Variants in SMTN observed in about 807,000 individuals in gnomAD.
The protein encoded by SMTN is smoothelin.
Under a neutral mutation model 102.0 loss-of-function variants are expected in SMTN, and 58 were observed. That is an observed-to-expected ratio of 0.57 (90% CI 0.46 to 0.71). The LOEUF is 0.71. Among genes scored for constraint, SMTN ranks in the 30% least tolerant of loss-of-function variants. SMTN has a pLI of 0.00. For synonymous variants in SMTN, 478 were observed against 497.9 expected, an observed-to-expected ratio of 0.96 and a Z score of 0.53; for missense variants, 1,185 against 1,241.7, an observed-to-expected ratio of 0.95 and a Z score of 0.69.
At chr22:31,085,554 C>T (rs73881321) in intron 2 of SMTN, among the ~76,000 whole-genome samples, 3,394 of 152,302 alleles carry the variant, frequency 0.022, 136 homozygotes, top group African/African-American at 0.079. Context: ...GGAGGAAGCA[C>T]CCTCTTTCCT....
rs559457231 is a variant in SMTN at position 31,085,611 on chromosome 22, T to G, written c.51+2302T>G. ...AGTTTCGGAAACCGCCCCATCCCCT[T>G]CCCCTTCCCCCTCGGTAGACAATGG... On this transcript the variant is annotated intron_variant, in intron 2 of 20. Coordinates refer to ENST00000333137, the MANE Select transcript of SMTN (RefSeq NM_134269.3). 2.6e-5 allele frequency among the ~76,000 whole-genome samples: 4 copies of G among 152,254 alleles called. No homozygotes were observed. The East Asian group carries it at 7.7e-4, about 29-fold the overall frequency.
Position 31,095,563 on chromosome 22 carries a change from G to A in SMTN, c.1815G>A (p.Arg605=). The A allele has an allele frequency of 6.2e-7, 1 of 1,614,082 alleles. No individual in the cohort carries two copies. Among genetic ancestry groups the A allele is most frequent in the Non-Finnish European group, 8.5e-7 (1 of 1,179,986 alleles). The part of the protein sequence containing the change: ...MLDQSTDFEE[R]KLIRAALREL... ...ATCAGAGCACGGACTTTGAAGAGCG[G>A]AAGCTCATCCGGGCTGCACTTCGTG... The change falls in exon 13 of 21, where the codon CGG becomes CGA. Residue 605 remains arginine, a synonymous_variant. Transcript: ENST00000333137. This position sits in a 1 kb window ranked among gnomAD's most constrained non-coding sequence, Gnocchi z 4.1.
At chr22:31,083,485 T>A in intron 2 of SMTN, 176 bp downstream of exon 2, 5 of 751,620 alleles carry the variant, frequency 6.7e-6, no homozygotes, top group African/African-American at 1.8e-5. Context: ...CCTTGTGGCA[T>A]GTGCCTGTCC....
intron 2 of SMTN, chr22:31,084,900 T>C (rs2042561377): frequency 8.0e-7 from 1 of 1,249,716 alleles, no homozygotes; most frequent in Non-Finnish European, 1.0e-6. Flanking sequence ...CCCGCTGGCC[T>C]CGTGGCAAGA....
chr22:31,074,651 G>A (rs377658000), intron 1 of SMTN, among the ~76,000 whole-genome samples: 3 of 152,156 alleles, frequency 2.0e-5, no homozygotes, highest in African/African-American at 4.8e-5. Flanking sequence ...TTAGCCAGGC[G>A]TGGTGGTGCA....
intron 1 of SMTN, 22 bp downstream of exon 1, chr22:31,081,478 G>C (rs1259380414): frequency 6.6e-6 from 1 of 152,520 alleles, no homozygotes; most frequent in Non-Finnish European, 1.5e-5. Context: ...GACCTCGGGG[G>C]GGATCCTGGT....
At chr22:31,093,393 C>T in intron 11 of SMTN, 2 of 414,636 alleles carry the variant, frequency 4.8e-6, no homozygotes, top group South Asian at 4.3e-5. Flanking sequence ...CAGCCAGAGA[C>T]AGCAGCCCCT....
chr22:31,077,063 G>A (rs2413021), upstream of SMTN, among the ~76,000 whole-genome samples: 2 of 152,128 alleles, frequency 1.3e-5, no homozygotes, highest in South Asian at 2.1e-4. Flanking sequence ...GTGCTCAGGC[G>A]TCATCCAAGT....
intron 2 of SMTN, chr22:31,085,291 G>A: frequency 1.3e-6 from 2 of 1,494,542 alleles, no homozygotes; most frequent in Non-Finnish European, 8.9e-7. Context: ...CGCGAGGCAG[G>A]GTGGGCGAGG....
rs372455646 is a variant in SMTN, at chr22:31,095,204, G to T, written c.1633-99G>T. On this transcript the variant is annotated intron_variant, in intron 11 of 20. Coordinates refer to ENST00000333137, the MANE Select transcript of SMTN (RefSeq NM_134269.3). The surrounding 1 kb of genome is among the most constrained non-coding windows in gnomAD (Gnocchi z 4.1). ...GCAGGCTAGTGGTTATTTCCAAGGC[G>T]TGCCAGCAACCCTAGGATCTGCTTC... is the stretch of plus-strand genomic sequence containing the variant. The T allele has an allele frequency of 7.8e-7, 1 of 1,276,218 alleles. No individual in the cohort carries two copies. The highest frequency in any genetic ancestry group is 1.1e-6 in the Non-Finnish European group (1 of 914,830). 79.1% of individuals were successfully genotyped at this position (1,276,218 alleles called of 1,614,324 possible). A position where few individuals can be genotyped will look rare whatever the true frequency, so the allele number is the denominator to read the frequency against.
intron 11 of SMTN, among the ~76,000 whole-genome samples, chr22:31,094,210 G>A (rs1240449119): frequency 1.3e-5 from 2 of 152,250 alleles, no homozygotes; most frequent in African/African-American, 4.8e-5. Context: ...GGAGAGGAAG[G>A]GCCATAATAG....
chr22:31,092,657 C>CA, intron 11 of SMTN: 1 of 423,496 alleles, frequency 2.4e-6, no homozygotes, highest in East Asian at 7.4e-5. Context: ...CCTTCCTTTC[C>CA]AAAAAAGCAG....
chr22:31,078,683 C>T (rs1460967600), upstream of SMTN, among the ~76,000 whole-genome samples: 2 of 152,198 alleles, frequency 1.3e-5, no homozygotes, highest in Admixed American at 6.5e-5. Flanking sequence ...GCCACAAATG[C>T]CCTTTCATGC....
In SMTN at chr22:31,082,726, C is replaced by G; in HGVS notation, c.-80-453C>G. ...ACAGTGGTGGTGGCAGCAAGAACTA[C>G]GGGTTCAGCCCACAGCCAGAAGCTG... On this transcript the variant is annotated intron_variant, in intron 1 of 20. Transcript: ENST00000333137. The G allele has an allele frequency of 6.8e-6, 5 of 738,992 alleles. No homozygotes were observed. In the South Asian group the frequency reaches 8.8e-5, roughly 13 times the overall value. The allele number at this position is 738,992 out of a possible 1,614,324, so 45.8% of individuals were successfully genotyped here.
At chr22:31,071,328 G>C (rs2041994263) in intron 1 of SMTN, among the ~76,000 whole-genome samples, 2 of 151,144 alleles carry the variant, frequency 1.3e-5, no homozygotes, top group Admixed American at 1.3e-4. Flanking sequence ...ATGAAGGTTT[G>C]TTCAGTAACA....
At chr22:31,084,868 C>A (rs2042556847) in intron 2 of SMTN, 2 of 963,894 alleles carry the variant, frequency 2.1e-6, no homozygotes, top group Non-Finnish European at 2.8e-6. Context: ...GCCATTACTG[C>A]GCCCCGCGCG....
intron 2 of SMTN, chr22:31,085,392 C>A (rs1038791844): frequency 5.6e-6 from 6 of 1,062,598 alleles, no homozygotes; most frequent in Middle Eastern, 2.6e-4. Flanking sequence ...CCGGCGGGAC[C>A]CCCATGGGCA....
At chr22:31,088,312 G>A (rs1012219970) in intron 3 of SMTN, 199 bp downstream of exon 3, 3 of 780,682 alleles carry the variant, frequency 3.8e-6, no homozygotes, top group Non-Finnish European at 6.1e-6. Flanking sequence ...CGGCCGTGCT[G>A]ATGTAGCCAG....
chr22:31,071,693 TC>T (rs1569231802), intron 1 of SMTN, among the ~76,000 whole-genome samples: 1 of 127,960 alleles, frequency 7.8e-6, no homozygotes, highest in East Asian at 2.4e-4. Flanking sequence ...TCTCTCTCTC[TC>T]TCTTTTTTTT....
Sources: gnomAD v4.1 joint callset for allele counts (sites outside exome capture counted in the v4.1 genomes callset) on GRCh38, gnomAD v4.1.1 for gene constraint, Gnocchi (gnomAD v3.1) non-coding constraint, MANE v1.5 for transcripts, NCBI Gene and HGNC (gene_info 2026-07-23, HGNC 2026-07-21) for gene names.